The following LEKR1 variants were observed in gnomAD, a reference collection of about 807,000 sequenced individuals.
The protein encoded by LEKR1 is leucine, glutamate and lysine rich 1, also known as protein LEKR1.
LEKR1 carries 59 observed loss-of-function variants against 72.4 expected under a neutral mutation model. The observed-to-expected ratio is 0.82, with a 90% CI of 0.66 to 1.01. The LOEUF is 1.01. Ranked by LOEUF, LEKR1 falls within the 50% of genes least tolerant of loss-of-function variation. The pLI, the probability that LEKR1 is intolerant of heterozygous loss-of-function variation, is 0.00. For missense variants in LEKR1, 728 were observed against 759.2 expected, an observed-to-expected ratio of 0.96 and a Z score of 0.48; for synonymous variants, 257 against 263.2, an observed-to-expected ratio of 0.98 and a Z score of 0.23.
At chr3:156,863,287 C>T (rs927702474) in intron 3 of LEKR1, among the ~76,000 whole-genome samples, 2 of 151,966 alleles carry the variant, frequency 1.3e-5, no homozygotes, top group Admixed American at 6.6e-5. Flanking sequence ...GTGGCCACCC[C>T]GTCTAATGCT....
intron 7 of LEKR1, among the ~76,000 whole-genome samples, chr3:156,990,999 G>A (rs552955680): frequency 6.6e-6 from 1 of 152,134 alleles, no homozygotes; most frequent in Non-Finnish European, 1.5e-5. Context: ...TTAAAGATGT[G>A]CAGTGTATTA....
chr3:156,890,497 A>G (rs1470663502), intron 3 of LEKR1, among the ~76,000 whole-genome samples: 2 of 152,088 alleles, frequency 1.3e-5, no homozygotes, highest in African/African-American at 4.8e-5. Flanking sequence ...GCTTTAATAA[A>G]CCCCCAAACC....
At chr3:156,998,371 T>C (rs1731745165) in intron 9 of LEKR1, among the ~76,000 whole-genome samples, 1 of 152,178 alleles carries the variant, frequency 6.6e-6, no homozygotes. Flanking sequence ...TGCCTACATA[T>C]AGCACTTGGA....
intron 3 of LEKR1, among the ~76,000 whole-genome samples, chr3:156,879,288 C>T (rs138927196): frequency 1.4e-4 from 21 of 152,106 alleles, no homozygotes; most frequent in African/African-American, 4.3e-4. Context: ...TTGTCGAGAA[C>T]TGGAGTAAAG....
intron 10 of LEKR1, among the ~76,000 whole-genome samples, chr3:157,022,102 G>A (rs907140330): frequency 6.6e-6 from 1 of 152,170 alleles, no homozygotes; most frequent in Non-Finnish European, 1.5e-5. Context: ...CCCTGCAACA[G>A]GCCAAGGCAG....
At chr3:156,938,025 T>A (rs929300814) in intron 5 of LEKR1, among the ~76,000 whole-genome samples, 1 of 152,082 alleles carries the variant, frequency 6.6e-6, no homozygotes, top group Admixed American at 6.6e-5. Flanking sequence ...GGGATAGTGG[T>A]AGGTTTGGCT....
chr3:156,841,466 G>A (rs1713895843), intron 2 of LEKR1, among the ~76,000 whole-genome samples: 1 of 152,248 alleles, frequency 6.6e-6, no homozygotes, highest in South Asian at 2.1e-4. Flanking sequence ...AGCAAGAATG[G>A]CAGGCAGCCA....
chr3:156,885,613 T>C (rs1719971408), intron 3 of LEKR1, among the ~76,000 whole-genome samples: 1 of 152,244 alleles, frequency 6.6e-6, no homozygotes, highest in Admixed American at 6.5e-5. Flanking sequence ...TCCTGTGATG[T>C]GATCCATCTT....
chr3:156,900,114 A>G (rs950765434), intron 3 of LEKR1, among the ~76,000 whole-genome samples: 1 of 152,114 alleles, frequency 6.6e-6, no homozygotes, highest in Admixed American at 6.6e-5. Flanking sequence ...GGTGGGGGGA[A>G]CTATACTAAA....
intron 3 of LEKR1, among the ~76,000 whole-genome samples, chr3:156,880,676 A>G (rs1338557786): frequency 6.6e-6 from 1 of 152,204 alleles, no homozygotes; most frequent in Non-Finnish European, 1.5e-5. Context: ...CTGATACCAA[A>G]GCCGGGCAGA....
chr3:156,967,042 C>T (rs1728679397), intron 6 of LEKR1, among the ~76,000 whole-genome samples: 2 of 152,202 alleles, frequency 1.3e-5, no homozygotes, highest in South Asian at 4.1e-4. Context: ...CTCCAGCAAA[C>T]TCCAACAGAC....
chr3:157,027,080 C>T (rs77465699), intron 11 of LEKR1, among the ~76,000 whole-genome samples: 3,858 of 152,112 alleles, frequency 0.025, 187 homozygotes, highest in African/African-American at 0.088. Context: ...AATTCAGTTC[C>T]TTGGTCACAT....
At chr3:156,942,429 C>T in intron 5 of LEKR1, 100 bp from the exon 6 acceptor site, 2 of 355,032 alleles carry the variant, frequency 5.6e-6, no homozygotes, top group South Asian at 4.9e-5. Context: ...GTCATCTTGC[C>T]TTTCAACTAT....
At chr3:156,836,879 A>G (rs1713215036) in intron 2 of LEKR1, among the ~76,000 whole-genome samples, 3 of 152,212 alleles carry the variant, frequency 2.0e-5, no homozygotes, top group African/African-American at 7.2e-5. Context: ...GACTGCTACT[A>G]TAAAAGGGTA....
intron 3 of LEKR1, among the ~76,000 whole-genome samples, chr3:156,870,634 A>G (rs1355911575): frequency 6.6e-6 from 1 of 152,092 alleles, no homozygotes; most frequent in Non-Finnish European, 1.5e-5. Context: ...AAAGAGGACA[A>G]TTTGACTCTT....
chr3:156,871,888 T>C (rs1338403814), intron 3 of LEKR1, among the ~76,000 whole-genome samples: 1 of 152,144 alleles, frequency 6.6e-6, no homozygotes, highest in Non-Finnish European at 1.5e-5. Context: ...TATTGGCTTA[T>C]AATTTTATTT....
At position 156,930,717 on chromosome 3, in the gene LEKR1, A is replaced by G. The variant is rs146393872; in HGVS notation, c.559+3113A>G. Among the ~76,000 whole-genome samples, 688 of 152,240 alleles carry G rather than the reference A, an allele frequency of 4.5e-3. 6 individuals are homozygous for G. The highest frequency in any genetic ancestry group is 0.016 in the African/African-American group (661 of 41,572). On this transcript the variant is annotated intron_variant, in intron 5 of 12. Transcript: ENST00000356539. ...AAATCAGTATAGTGCTGGCATATGG[A>G]TCAACAAAGATGAATAGAACAAGAT...
chr3:156,899,592 A>G (rs1479188126), intron 3 of LEKR1, among the ~76,000 whole-genome samples: 2 of 145,940 alleles, frequency 1.4e-5, no homozygotes, highest in Non-Finnish European at 3.0e-5. Flanking sequence ...ACATGTATAT[A>G]TACATATACG....
chr3:156,863,817 T>C (rs1474499784), intron 3 of LEKR1, among the ~76,000 whole-genome samples: 1 of 151,996 alleles, frequency 6.6e-6, no homozygotes, highest in South Asian at 2.1e-4. Context: ...AGACTGTCAT[T>C]GGAGGCACCT....
Sources: gnomAD v4.1 joint callset for allele counts (sites outside exome capture counted in the v4.1 genomes callset) on GRCh38, gnomAD v4.1.1 for gene constraint, MANE v1.5 for transcripts, NCBI Gene and HGNC (gene_info 2026-07-23, HGNC 2026-07-21) for gene names.